ZNF682: variants seen among roughly 807,000 people sequenced by gnomAD.
ZNF682 encodes zinc finger protein 682.
In ZNF682, 29 loss-of-function variants were observed where a neutral mutation model predicts 36.5. That is an observed-to-expected ratio of 0.80 (90% confidence interval 0.59 to 1.08). The LOEUF is 1.08. Among genes scored for constraint, ZNF682 ranks in the 50% least tolerant of loss-of-function variants. ZNF682 has a pLI of 0.00. For missense variants in ZNF682, 561 were observed against 579.7 expected (o/e 0.97, Z 0.33); for synonymous variants, 180 against 197.0 (o/e 0.91, Z 0.72).
chr19:20,015,435 A>C, intron 3 of ZNF682: 1 of 981,094 alleles, frequency 1.0e-6, no homozygotes, highest in Non-Finnish European at 1.2e-6. Context: ...AAATGTACAG[A>C]GCTGAATACT....
intron 3 of ZNF682, chr19:20,015,829 G>A (rs574653936): frequency 2.5e-6 from 1 of 398,108 alleles, no homozygotes; most frequent in East Asian, 3.6e-5. Flanking sequence ...AAAATGGTAA[G>A]GCTGTAATCT....
chr19:20,029,625 A>C (rs2088463463), intron 1 of ZNF682, among the ~76,000 whole-genome samples: 1 of 151,752 alleles, frequency 6.6e-6, no homozygotes, highest in Non-Finnish European at 1.5e-5. Flanking sequence ...AATTAAAAAA[A>C]ATAAAAAAGC....
chr19:20,012,581 C>T (rs1490201058), intron 3 of ZNF682, among the ~76,000 whole-genome samples: 1 of 151,942 alleles, frequency 6.6e-6, no homozygotes, highest in African/African-American at 2.4e-5. Flanking sequence ...TCCTGGCTAA[C>T]ACGGTGAAAC....
At position 20,006,242 on chromosome 19, in the gene ZNF682, A is replaced by G. The variant is rs771290510; in HGVS notation, c.1260T>C (p.Thr420=). 3.2e-5 allele frequency: 52 copies of G among 1,613,680 alleles called. No individual in the cohort carries two copies. Among genetic ancestry groups the G allele is most frequent in the Non-Finnish European group, 4.3e-5 (51 of 1,179,906 alleles). ...CTTCACAGTTGTAGGGTTTCTCTCC[A>G]GTATGAATTCTCTTATGTTCAGTAA... is the stretch of plus-strand genomic sequence containing the variant. ...SILTEHKRIH[T]GEKPYNCEEC... Residue 420 remains threonine, a synonymous_variant, in exon 4 of 4, where the codon ACT becomes ACC. Transcript: ENST00000397165.
rs2088565095 is a variant in ZNF682, at chr19:20,039,459, A to G, written c.-114T>C. 1.4e-6 allele frequency: 2 copies of G among 1,422,076 alleles called. No homozygotes were observed. Among genetic ancestry groups the G allele is most frequent in the South Asian group, 1.2e-5 (1 of 81,252 alleles). The allele number at this position is 1,422,076 out of a possible 1,614,324, so 88.1% of individuals were successfully genotyped here. ...GGGAACTACTAGAGCAGAGGATACT[A>G]AGCAATGAAGATGGACCCTGAGCTC... On this transcript the variant is annotated 5_prime_UTR_variant, in exon 1 of 4. Transcript: ENST00000397165.
chr19:20,039,305 C>G, intron 1 of ZNF682, 38 bp downstream of exon 1: 1 of 1,610,894 alleles, frequency 6.2e-7, no homozygotes, highest in African/African-American at 1.3e-5. Flanking sequence ...TCAACCAGCC[C>G]TGCCCCCACC....
chr19:20,011,498 C>T (rs1341243071), intron 3 of ZNF682, among the ~76,000 whole-genome samples: 3 of 152,212 alleles, frequency 2.0e-5, no homozygotes, highest in Non-Finnish European at 4.4e-5. Flanking sequence ...AATGAAGACA[C>T]ACATACATTC....
chr19:19,997,431 C>T (rs948709850), intron 3 of ZNF682, among the ~76,000 whole-genome samples: 6 of 152,184 alleles, frequency 3.9e-5, no homozygotes, highest in Non-Finnish European at 7.3e-5. Context: ...AACCAAGACT[C>T]TTTGCTCTGA....
intron 3 of ZNF682, among the ~76,000 whole-genome samples, chr19:20,018,078 CTTTTTTTTTTTTTTTTTTTTTTT>C (rs71172554): frequency 1.7e-5 from 1 of 58,676 alleles, no homozygotes; most frequent in Admixed American, 2.9e-4. Context: ...TTCTCAAATT[CTTTTTTTTTTTTTTTTTTTTTTT>C]TTTTTTTTTT....
In ZNF682 at chr19:20,005,962, CCA is replaced by C. The variant is rs779751099; in HGVS notation, c.*41_*42del. The C allele has an allele frequency of 5.7e-5, 87 of 1,522,002 alleles. 1 individual carries two copies. The South Asian group carries it at 1.1e-3, about 19-fold the overall frequency. 94.3% of individuals were successfully genotyped at this position (1,522,002 alleles called of 1,614,324 possible). On this transcript the variant is annotated 3_prime_UTR_variant, in exon 4 of 4. Transcript: ENST00000397165. The stretch of plus-strand genomic sequence containing the variant: ...CCTTGAGCAAGATTTATGGAATTTG[CCA>C]CATTCTTTACATTTGTAGGATTTCT...
intron 3 of ZNF682, among the ~76,000 whole-genome samples, chr19:20,020,422 G>A (rs919165710): frequency 1.3e-5 from 2 of 152,230 alleles, no homozygotes; most frequent in South Asian, 2.1e-4. Context: ...GTTTGAACCC[G>A]GGAGGCGGAG....
chr19:20,024,931 C>G (rs572571165), intron 1 of ZNF682, among the ~76,000 whole-genome samples: 75 of 152,316 alleles, frequency 4.9e-4, no homozygotes, highest in African/African-American at 1.8e-3. Context: ...TTTATGTCTA[C>G]AGATTATAGA....
At chr19:20,016,611 C>T (rs985430216) in intron 3 of ZNF682, among the ~76,000 whole-genome samples, 1 of 151,940 alleles carries the variant, frequency 6.6e-6, no homozygotes, top group Non-Finnish European at 1.5e-5. Context: ...TAGATGGTAT[C>T]AGCAAATTAA....
rs540914824 is a variant in ZNF682 at position 20,030,160 on chromosome 19, CCTGT to C, written c.4-5788_4-5785del. Among the ~76,000 whole-genome samples, 96 of 152,260 alleles carry C rather than the reference CCTGT, an allele frequency of 6.3e-4. 1 individual carries two copies. Among genetic ancestry groups the C allele is most frequent in the Admixed American group, 5.5e-3 (84 of 15,290 alleles). On this transcript the variant is annotated intron_variant, in intron 1 of 3. Transcript: ENST00000397165. ...GATTTTAATCTATTTCACCCAATTC[CCTGT>C]CTATTTTATAACATACAGTAACAAG...
In ZNF682 at chr19:20,007,106, T is replaced by C. The variant is rs1369979633; in HGVS notation, c.396A>G (p.Gly132=). The change falls in exon 4 of 4, where the codon GGA becomes GGG. Residue 132 remains glycine (G), a synonymous_variant. Transcript: ENST00000397165. ...ECKDQKEIYN[G]LNQCLSTLPS... is the part of the protein sequence containing the mutation. ...GTAGAGTTGACAAACATTGGTTAAG[T>C]CCATTATAAATTTCTTTTTGATCCT... The C allele has an allele frequency of 6.2e-7, 1 of 1,613,550 alleles. No individual in the cohort carries two copies. The highest frequency in any genetic ancestry group is 1.7e-5 in the Admixed American group (1 of 60,014).
At position 20,023,199 on chromosome 19, in the gene ZNF682, C is replaced by G. The variant is rs2088402363; in HGVS notation, c.131-100G>C. 4.5e-6 allele frequency: 5 copies of G among 1,101,962 alleles called. No individual in the cohort carries two copies. The South Asian group carries it at 8.6e-5, about 19-fold the overall frequency. 68.3% of individuals were successfully genotyped at this position (1,101,962 alleles called of 1,614,324 possible). ...ATAAGAGAGAATATTATAGATGATT[C>G]TAGAAAATTAATAATAAGGACAGGC... On this transcript the variant is annotated intron_variant, in intron 2 of 3. Coordinates refer to ENST00000397165, the MANE Select transcript of ZNF682 (RefSeq NM_033196.3).
chr19:20,003,242 G>T (rs543903645), downstream of ZNF682, among the ~76,000 whole-genome samples: 9 of 89,182 alleles, frequency 1.0e-4, no homozygotes, highest in South Asian at 3.5e-3. Context: ...ACAAAGGAAA[G>T]ATTGGCTTAG....
downstream of ZNF682, among the ~76,000 whole-genome samples, chr19:20,003,506 C>A (rs975283349): frequency 1.3e-5 from 2 of 151,770 alleles, no homozygotes; most frequent in Non-Finnish European, 2.9e-5. Context: ...AGATCGAGAC[C>A]ATCCAGGCTA....
chr19:20,028,979 ATTTTTTT>A, intron 1 of ZNF682, among the ~76,000 whole-genome samples: 1 of 138,792 alleles, frequency 7.2e-6, no homozygotes, highest in South Asian at 2.3e-4. Flanking sequence ...TCTATCACTG[ATTTTTTT>A]TTTTTTTTTG....
Sources: gnomAD v4.1 joint callset for allele counts (sites outside exome capture counted in the v4.1 genomes callset) on GRCh38, gnomAD v4.1.1 for gene constraint, MANE v1.5 for transcripts, NCBI Gene and HGNC (gene_info 2026-07-23, HGNC 2026-07-21) for gene names.